The following MAML3 variants were observed in gnomAD, a reference collection of about 807,000 sequenced individuals.
MAML3 encodes mastermind-like protein 3.
MAML3 carries 27 observed loss-of-function variants against 101.9 expected under a neutral mutation model. The observed-to-expected ratio is 0.27, with a 90% confidence interval of 0.20 to 0.37. The LOEUF is 0.37. Ranked by LOEUF, MAML3 falls within the 10% of genes least tolerant of loss-of-function variation. The pLI is 1.00. For missense variants in MAML3, 1,316 were observed against 1,444.9 expected, an observed-to-expected ratio of 0.91 and a Z score of 1.45; for synonymous variants, 501 against 555.9, an observed-to-expected ratio of 0.90 and a Z score of 1.39.
chr4:139,857,137 G>A (rs1487755032), intron 2 of MAML3, among the ~76,000 whole-genome samples: 1 of 152,244 alleles, frequency 6.6e-6, no homozygotes, highest in African/African-American at 2.4e-5. Context: ...TGGGGAGCCA[G>A]CTTAACCTCT....
intron 1 of MAML3, among the ~76,000 whole-genome samples, chr4:140,091,537 C>CAA (rs570700966): frequency 0.41 from 29,047 of 70,204 alleles, 7,580 homozygotes; most frequent in Non-Finnish European, 0.54. Flanking sequence ...AACAACAAAA[C>CAA]AAAAACAAAA....
chr4:139,911,469 C>T lies in MAML3; in HGVS notation c.469-20502G>A, dbSNP rs1047844923. On this transcript the variant is annotated intron_variant, in intron 1 of 4. Coordinates refer to ENST00000509479, the MANE Select transcript of MAML3 (RefSeq NM_018717.5). ...CTGAGCTCAGGCAATCTGCCCACTT[C>T]GGTCTCCCAAAGTGCTGGAATTACA... Among the ~76,000 whole-genome samples the T allele has an allele frequency of 1.6e-4, 25 of 152,290 alleles. 1 individual carries two copies. The highest frequency in any genetic ancestry group is 4.3e-4 in the African/African-American group (18 of 41,568).
intron 1 of MAML3, among the ~76,000 whole-genome samples, chr4:140,049,163 A>T (rs1291245157): frequency 6.6e-6 from 1 of 152,176 alleles, no homozygotes; most frequent in Non-Finnish European, 1.5e-5. Context: ...AAAGAAAAAA[A>T]AATGGCATTT....
Position 140,153,206 on chromosome 4 carries a change from G to T in MAML3, c.122C>A (p.Pro41His). Residue 41 changes from proline (P) to histidine (H), a missense_variant, in exon 1 of 5, where the codon CCC becomes CAC. By Grantham distance (77) the Pro-to-His change is moderately conservative. Coordinates refer to ENST00000509479, the MANE Select transcript of MAML3 (RefSeq NM_018717.5). ...CGGGTGATTGCTACTCGGAGCAGCG[G>T]GAGTACTATTGGGAGTATTATTCAC... ...IGVNNTPNST[P>H]AAPSSNHPAA... 1.3e-6 allele frequency: 2 copies of T among 1,559,886 alleles called. No homozygotes were observed. The highest frequency in any genetic ancestry group is 1.7e-6 in the Non-Finnish European group (2 of 1,151,426).
At chr4:140,069,746 G>A (rs2110951554) in intron 1 of MAML3, among the ~76,000 whole-genome samples, 1 of 152,230 alleles carries the variant, frequency 6.6e-6, no homozygotes, top group East Asian at 1.9e-4. Context: ...GATGCATTTA[G>A]TAGCAGAAGG....
chr4:140,149,285 G>A (rs182909326), intron 1 of MAML3, among the ~76,000 whole-genome samples: 1 of 152,254 alleles, frequency 6.6e-6, no homozygotes, highest in East Asian at 1.9e-4. Flanking sequence ...TGTTCAGAAC[G>A]GACCTAATAC....
rs59259375 is a variant in MAML3 at position 139,739,720 on chromosome 4, T to TAAA, written c.2080-9056_2080-9054dup. 3.8e-4 allele frequency among the ~76,000 whole-genome samples: 51 copies of TAAA among 134,158 alleles called. No homozygotes were observed. The South Asian group carries it at 6.1e-3, about 16-fold the overall frequency. 88.0% of individuals were successfully genotyped at this position (134,158 alleles called of 152,430 possible). On this transcript the variant is annotated intron_variant, in intron 2 of 4. Transcript: ENST00000509479. ...CTTTTATGTCCTCAGGTGTTAAAAC[T>TAAA]AAAAAAAAAAAAAGAAAAAAGCAGT...
intron 1 of MAML3, among the ~76,000 whole-genome samples, chr4:140,073,538 G>A (rs751648156): frequency 7.2e-5 from 11 of 152,080 alleles, no homozygotes; most frequent in Non-Finnish European, 1.5e-4. Flanking sequence ...ACCCTGCAGT[G>A]AGCACCTACT....
At chr4:139,725,963 G>T in intron 3 of MAML3, 128 bp from the exon 4 acceptor site, 1 of 727,620 alleles carries the variant, frequency 1.4e-6, no homozygotes, top group Non-Finnish European at 2.4e-6. Flanking sequence ...AGAATCATAT[G>T]CATACAGGCA....
intron 1 of MAML3, among the ~76,000 whole-genome samples, chr4:139,970,186 G>A (rs781211944): frequency 5.9e-5 from 9 of 152,152 alleles, no homozygotes; most frequent in Non-Finnish European, 1.2e-4. Flanking sequence ...GGAAATGCAA[G>A]GAATCAATAA....
rs1448290627 is a variant in MAML3, at chr4:139,999,057, C to G, written c.469-108090G>C. On this transcript the variant is annotated intron_variant, in intron 1 of 4. Transcript: ENST00000509479. ...ATCAGCCTATGCTTTCCACTAGACT[C>G]TTCCTCATCTCTTCGATGCATGTGC... Among the ~76,000 whole-genome samples the G allele has an allele frequency of 2.0e-5, 3 of 152,224 alleles. No homozygotes were observed. The East Asian group carries it at 5.8e-4, about 29-fold the overall frequency.
At chr4:140,041,936 TC>T (rs1460714849) in intron 1 of MAML3, among the ~76,000 whole-genome samples, 2 of 152,168 alleles carry the variant, frequency 1.3e-5, no homozygotes, top group Non-Finnish European at 2.9e-5. Context: ...AATCTCTTGT[TC>T]AAGAGATAAA....
At chr4:139,976,750 G>C (rs550832852) in intron 1 of MAML3, among the ~76,000 whole-genome samples, 1 of 152,192 alleles carries the variant, frequency 6.6e-6, no homozygotes, top group East Asian at 1.9e-4. Flanking sequence ...AATTAAGTTT[G>C]ATTCTATACT....
intron 2 of MAML3, among the ~76,000 whole-genome samples, chr4:139,763,585 C>T (rs1376395073): frequency 6.8e-6 from 1 of 147,922 alleles, no homozygotes; most frequent in African/African-American, 2.5e-5. Context: ...CTTAATTAAT[C>T]TAACTAAAAA....
At position 139,978,433 on chromosome 4, in the gene MAML3, T is replaced by C. The variant is rs1007043801; in HGVS notation, c.469-87466A>G. On this transcript the variant is annotated intron_variant, in intron 1 of 4. Coordinates refer to ENST00000509479, the MANE Select transcript of MAML3 (RefSeq NM_018717.5). ...GAGAAGAGCCTCAACAGGTGGCAAG[T>C]GGTCTCAAGTGCCACTTCTCTCTGA... 2.6e-5 allele frequency among the ~76,000 whole-genome samples: 4 copies of C among 152,080 alleles called. No individual in the cohort carries two copies. In the South Asian group the frequency reaches 6.2e-4, roughly 24 times the overall value.
chr4:140,148,787 A>C (rs1729106567), intron 1 of MAML3, among the ~76,000 whole-genome samples: 1 of 152,216 alleles, frequency 6.6e-6, no homozygotes, highest in Non-Finnish European at 1.5e-5. Flanking sequence ...GTTGTCTCCA[A>C]TACTCGGTAA....
intron 1 of MAML3, among the ~76,000 whole-genome samples, chr4:140,016,818 G>A (rs1466520182): frequency 2.6e-5 from 4 of 151,976 alleles, no homozygotes; most frequent in Admixed American, 2.6e-4. Flanking sequence ...ATCTCAAAAC[G>A]GATCACAAAC....
intron 1 of MAML3, among the ~76,000 whole-genome samples, chr4:139,915,767 C>T (rs1424961057): frequency 6.6e-6 from 1 of 152,024 alleles, no homozygotes; most frequent in Non-Finnish European, 1.5e-5. Context: ...GTGAACATGC[C>T]CTGACCTCCT....
At chr4:139,868,534 C>T (rs1328188554) in intron 2 of MAML3, among the ~76,000 whole-genome samples, 1 of 152,146 alleles carries the variant, frequency 6.6e-6, no homozygotes, top group African/African-American at 2.4e-5. Flanking sequence ...ACTCAAAGGT[C>T]TCTGAGTTCA....
Sources: gnomAD v4.1 joint callset for allele counts (sites outside exome capture counted in the v4.1 genomes callset) on GRCh38, gnomAD v4.1.1 for gene constraint, MANE v1.5 for transcripts, NCBI Gene and HGNC (gene_info 2026-07-23, HGNC 2026-07-21) for gene names.